TNNI3K: variants seen among roughly 807,000 people sequenced by gnomAD.
TNNI3K encodes serine/threonine-protein kinase TNNI3K.
TNNI3K carries 140 observed loss-of-function variants against 114.5 expected under a neutral mutation model. The ratio of observed to expected loss-of-function variants is 1.22; its 90% CI spans 1.07 to 1.41. TNNI3K has a LOEUF of 1.41. Ranked by LOEUF, TNNI3K falls within the 40% of genes most tolerant of loss-of-function variation. The pLI, the probability that TNNI3K is intolerant of heterozygous loss-of-function variation, is 0.00. For synonymous variants in TNNI3K, 347 were observed against 347.5 expected (o/e 1.00, Z 0.02); for missense variants, 1,125 against 1,007.6 (o/e 1.12, Z -1.58).
chr1:74,471,087 G>T, intron 21 of TNNI3K: 1 of 400,740 alleles, frequency 2.5e-6, no homozygotes, highest in Non-Finnish European at 4.4e-6. Flanking sequence ...CAGCATCAGT[G>T]GGTGTAGGTT....
intron 17 of TNNI3K, among the ~76,000 whole-genome samples, chr1:74,421,881 A>C (rs1665412239): frequency 6.6e-6 from 1 of 151,924 alleles, no homozygotes; most frequent in Admixed American, 6.6e-5. Flanking sequence ...CATTTTTCCA[A>C]GTTGGTTAAA....
intron 17 of TNNI3K, among the ~76,000 whole-genome samples, chr1:74,399,156 T>TA (rs1234711047): frequency 0.026 from 2,011 of 76,682 alleles, 54 homozygotes; most frequent in East Asian, 0.11. Context: ...CAAAACCCAT[T>TA]AAAAAAAAAA....
intron 17 of TNNI3K, among the ~76,000 whole-genome samples, chr1:74,399,826 C>A (rs758132166): frequency 7.2e-5 from 11 of 152,132 alleles, no homozygotes; most frequent in Non-Finnish European, 1.6e-4. Context: ...AAAAGAATAT[C>A]CAATCAAACT....
intron 23 of TNNI3K, among the ~76,000 whole-genome samples, chr1:74,529,336 A>C (rs984209221): frequency 1.3e-5 from 2 of 152,330 alleles, no homozygotes; most frequent in East Asian, 1.9e-4. Context: ...AAAGATGCAT[A>C]ATTTGAATCT....
At chr1:74,396,823 T>C (rs1210418675) in intron 17 of TNNI3K, among the ~76,000 whole-genome samples, 1 of 152,022 alleles carries the variant, frequency 6.6e-6, no homozygotes, top group African/African-American at 2.4e-5. Context: ...GGCTCAGGGA[T>C]CAAATGAGAA....
chr1:74,337,719 C>T (rs1240704810), intron 7 of TNNI3K, among the ~76,000 whole-genome samples: 1 of 152,028 alleles, frequency 6.6e-6, no homozygotes, highest in East Asian at 1.9e-4. Context: ...TCCCTTACCT[C>T]ATCTCAGGTA....
At position 74,235,850 on chromosome 1, in the gene TNNI3K, A is replaced by T. The variant is rs188143076; in HGVS notation, c.41-252A>T. 3.0e-3 allele frequency among the ~76,000 whole-genome samples: 456 copies of T among 151,712 alleles called. 2 individuals are homozygous for T. Among genetic ancestry groups the T allele is most frequent in the African/African-American group, 0.01 (424 of 41,486 alleles). On this transcript the variant is annotated intron_variant, in intron 1 of 24. Coordinates refer to ENST00000326637, the MANE Select transcript of TNNI3K (RefSeq NM_015978.3). ...CTATAATTAAAATGCAATAAAATCA[A>T]ATGAAATAAGTCAAATATATTTTTC...
chr1:74,309,366 C>CAAAAAAAA lies in TNNI3K; in HGVS notation c.445-22076_445-22069dup, dbSNP rs71078188. On this transcript the variant is annotated intron_variant, in intron 5 of 24. Transcript: ENST00000326637. ...CCTGGGCGACAGCGAGACTCTGTCT[C>CAAAAAAAA]AAAAAAAAAAAAAAAGAAGAGATAA... 1.5e-3 allele frequency among the ~76,000 whole-genome samples: 36 copies of CAAAAAAAA among 24,098 alleles called. 7 individuals carry two copies. The highest frequency in any genetic ancestry group is 4.1e-3 in the African/African-American group (23 of 5,664). The allele number at this position is 24,098 out of a possible 152,430, so 15.8% of individuals were successfully genotyped here. A position where few individuals can be genotyped will look rare whatever the true frequency, so the allele number is the denominator to read the frequency against.
chr1:74,392,504 A>G (rs1294349989), intron 17 of TNNI3K, among the ~76,000 whole-genome samples: 1 of 152,176 alleles, frequency 6.6e-6, no homozygotes, highest in Non-Finnish European at 1.5e-5. Flanking sequence ...AGTCCAGTCT[A>G]CTTCTCATCT....
chr1:74,426,751 C>T (rs1481416894), intron 17 of TNNI3K, among the ~76,000 whole-genome samples: 3 of 151,954 alleles, frequency 2.0e-5, no homozygotes, highest in Non-Finnish European at 4.4e-5. Context: ...GTCCCTGGCA[C>T]ATTGCCAGAG....
Position 74,326,893 on chromosome 1 carries a change from C to T in TNNI3K, c.445-4557C>T, listed in dbSNP as rs1659935031. ...ATCATGAAATCTAGACCATCCTTGC[C>T]AACATAGTGAAAACCTGTCTCTACT... On this transcript the variant is annotated intron_variant, in intron 5 of 24. Transcript: ENST00000326637. Among the ~76,000 whole-genome samples the T allele has an allele frequency of 2.0e-5, 3 of 151,820 alleles. No individual in the cohort carries two copies. The South Asian group carries it at 6.2e-4, about 32-fold the overall frequency.
chr1:74,419,966 A>G (rs1302221736), intron 17 of TNNI3K, among the ~76,000 whole-genome samples: 1 of 152,150 alleles, frequency 6.6e-6, no homozygotes, highest in Admixed American at 6.6e-5. Flanking sequence ...ATAAATGGCT[A>G]TACATCAAAG....
At chr1:74,280,260 T>C (rs534914546) in intron 5 of TNNI3K, among the ~76,000 whole-genome samples, 3 of 152,144 alleles carry the variant, frequency 2.0e-5, no homozygotes, top group African/African-American at 7.2e-5. Context: ...CAGGTGCCTG[T>C]AGTCCCAGCT....
intron 9 of TNNI3K, among the ~76,000 whole-genome samples, chr1:74,343,944 G>A (rs1464403493): frequency 6.6e-6 from 1 of 152,166 alleles, no homozygotes; most frequent in African/African-American, 2.4e-5. Flanking sequence ...TAAAAGCATA[G>A]TAATTTATAT....
intron 23 of TNNI3K, among the ~76,000 whole-genome samples, chr1:74,519,629 G>A (rs915043989): frequency 3.9e-5 from 6 of 152,080 alleles, no homozygotes; most frequent in Admixed American, 3.9e-4. Context: ...AAGAAAGCCA[G>A]AATAGAGATA....
chr1:74,336,254 A>C, intron 7 of TNNI3K, 105 bp downstream of exon 7: 1 of 1,373,506 alleles, frequency 7.3e-7, no homozygotes, highest in East Asian at 2.8e-5. Flanking sequence ...CTAATCCTGT[A>C]GTCATGTACT....
chr1:74,516,477 T>G (rs927978505), intron 23 of TNNI3K, among the ~76,000 whole-genome samples: 3 of 152,170 alleles, frequency 2.0e-5, no homozygotes, highest in African/African-American at 7.2e-5. Context: ...CCTTTTACTG[T>G]GGGGCTTAGT....
chr1:74,506,374 T>TGTACTA (rs1474527242), intron 23 of TNNI3K, among the ~76,000 whole-genome samples: 1 of 152,234 alleles, frequency 6.6e-6, no homozygotes, highest in African/African-American at 2.4e-5. Flanking sequence ...CCCAAGGCTT[T>TGTACTA]GTAACTAGTA....
At chr1:74,352,944 G>A (rs143396580) in intron 9 of TNNI3K, among the ~76,000 whole-genome samples, 28 of 152,232 alleles carry the variant, frequency 1.8e-4, no homozygotes, top group African/African-American at 3.6e-4. Flanking sequence ...GCCCTACTTC[G>A]GCTCAGGCAT....
Sources: allele counts gnomAD v4.1 joint callset (sites outside exome capture counted in the v4.1 genomes callset), GRCh38; gene constraint gnomAD v4.1.1; transcripts MANE v1.5; gene names NCBI Gene and HGNC (gene_info 2026-07-23, HGNC 2026-07-21).